SPNS2: variants seen among roughly 807,000 people sequenced by gnomAD.
SPNS2 encodes SPNS lysolipid transporter 2, sphingosine-1-phosphate, also known as sphingosine-1-phosphate transporter SPNS2.
SPNS2 carries 37 observed loss-of-function variants against 57.6 expected under a neutral mutation model. That is an observed-to-expected ratio of 0.64 (90% CI 0.49 to 0.85). The LOEUF is 0.85. Ranked by LOEUF, SPNS2 falls within the 40% of genes least tolerant of loss-of-function variation. The probability of loss-of-function intolerance (pLI) is 0.00; values close to 1 mark genes in which losing one functional copy is unlikely to be tolerated. For synonymous variants in SPNS2, 440 were observed against 346.9 expected (o/e 1.27, Z -2.98); for missense variants, 831 against 779.1 (o/e 1.07, Z -0.79).
intron 9 of SPNS2, among the ~76,000 whole-genome samples, chr17:4,535,384 G>T (rs552988662): frequency 1.3e-5 from 2 of 152,216 alleles, no homozygotes; most frequent in Non-Finnish European, 2.9e-5. Context: ...GGTCCTCAGG[G>T]AGGGGAACCA....
intron 2 of SPNS2, among the ~76,000 whole-genome samples, chr17:4,514,425 G>T (rs1302527862): frequency 1.3e-5 from 2 of 152,146 alleles, no homozygotes; most frequent in Non-Finnish European, 2.9e-5. Flanking sequence ...TGTCTAAGTG[G>T]CATTCCAGTA....
chr17:4,533,535 C>G (rs553360043), intron 8 of SPNS2, 103 bp downstream of exon 8: 7 of 1,270,940 alleles, frequency 5.5e-6, no homozygotes, highest in Middle Eastern at 2.1e-4. Context: ...TCCCTTCCCT[C>G]GGGGAGGCTC....
At chr17:4,502,641 CCCTCCCG>C (rs1298415408) in intron 1 of SPNS2, among the ~76,000 whole-genome samples, 2 of 152,142 alleles carry the variant, frequency 1.3e-5, no homozygotes, top group Non-Finnish European at 2.9e-5. Context: ...GTGATCATTC[CCCTCCCG>C]CCTGCCTCCC....
At chr17:4,503,694 C>T (rs1357775464) in intron 1 of SPNS2, among the ~76,000 whole-genome samples, 1 of 152,236 alleles carries the variant, frequency 6.6e-6, no homozygotes, top group Non-Finnish European at 1.5e-5. Flanking sequence ...TTCTCAAGAC[C>T]TATTTTCTTT....
At position 4,536,269 on chromosome 17, in the gene SPNS2, G is replaced by C. The variant is rs1187969039; in HGVS notation, c.1450G>C (p.Asp484His). The C allele has an allele frequency of 1.2e-6, 2 of 1,612,306 alleles. No individual in the cohort carries two copies. Among genetic ancestry groups the C allele is most frequent in the East Asian group, 2.2e-5 (1 of 44,880 alleles). ...GSPYLIGFIS[D>H]LIRQSTKDSP... The stretch of plus-strand genomic sequence containing the variant: ...CACCCCCAAATCCTCGCAGATCTCA[G>C]ACCTGATCCGCCAGAGCACTAAGGA... The change falls in exon 11 of 13, where the codon GAC (aspartate) becomes CAC (histidine). Residue 484 changes from aspartate to histidine, a missense_variant. By Grantham distance (81) the Asp-to-His change is moderately conservative (BLOSUM62 -1). Around this residue, in one of 2 missense-constraint regions of SPNS2, gnomAD observed 526 missense variants for 400.9 expected, o/e 1.31. Transcript: ENST00000329078.
At chr17:4,523,774 C>T (rs900224178) in intron 2 of SPNS2, among the ~76,000 whole-genome samples, 4 of 152,206 alleles carry the variant, frequency 2.6e-5, no homozygotes, top group African/African-American at 9.7e-5. Context: ...TCCACTTGCT[C>T]TCACACACAC....
In SPNS2 at chr17:4,536,236, C is replaced by T. The variant is rs373181195; in HGVS notation, c.1444-27C>T. On this transcript the variant is annotated intron_variant, in intron 10 of 12. Transcript: ENST00000329078. ...TGGGGGACTGCAGGAGGGCTCTGCCCTGACATCCACCCCCAAATCCTCGCA... is the reference window on the plus strand; with the variant it reads ...TGGGGGACTGCAGGAGGGCTCTGCCTTGACATCCACCCCCAAATCCTCGCA... 20 of 1,609,842 alleles carry T rather than the reference C, an allele frequency of 1.2e-5. No homozygotes were observed. The African/African-American group carries it at 2.1e-4, about 17-fold the overall frequency.
chr17:4,499,777 C>T lies in SPNS2; in HGVS notation c.370+360C>T, dbSNP rs749677998. 3.7e-5 allele frequency: 7 copies of T among 187,822 alleles called. No homozygotes were observed. Among genetic ancestry groups the T allele is most frequent in the Non-Finnish European group, 7.6e-5 (7 of 91,550 alleles). The allele number at this position is 187,822 out of a possible 1,614,324, so 11.6% of individuals were successfully genotyped here. On this transcript the variant is annotated intron_variant, in intron 1 of 12. Coordinates refer to ENST00000329078, the MANE Select transcript of SPNS2 (RefSeq NM_001124758.3). This position sits in a 1 kb window ranked among gnomAD's most constrained non-coding sequence, Gnocchi z 5.2. ...CTGCGCCCCCTCCGACCCCAGCTGCCGGTTCCCGGGCCTCCTTCCCTTCCC... is the reference window on the plus strand; with the variant it reads ...CTGCGCCCCCTCCGACCCCAGCTGCTGGTTCCCGGGCCTCCTTCCCTTCCC...
At chr17:4,515,544 C>T (rs975774526) in intron 2 of SPNS2, among the ~76,000 whole-genome samples, 4 of 152,198 alleles carry the variant, frequency 2.6e-5, no homozygotes, top group African/African-American at 9.6e-5. Context: ...CTGTCACCTA[C>T]CCCGGCACAG....
rs1347883016 is a variant in SPNS2 at position 4,536,334 on chromosome 17, C to T, written c.1515C>T (p.Leu505=). The change falls in exon 11 of 13, where the codon CTC becomes CTT. Residue 505 remains leucine, a synonymous_variant. Transcript: ENST00000329078. ...LWEFLSLGYA[L]MLCPFVVVLG... is the part of the protein sequence containing the mutation. ...AGTTCCTGAGCCTGGGCTACGCGCT[C>T]ATGCTCTGCCCTTTCGTCGTGGTCC... is the stretch of plus-strand genomic sequence containing the variant. 1.9e-6 allele frequency: 3 copies of T among 1,611,864 alleles called. No homozygotes were observed. The highest frequency in any genetic ancestry group is 1.1e-5 in the South Asian group (1 of 91,094).
chr17:4,504,606 A>G (rs1904624405), intron 1 of SPNS2, among the ~76,000 whole-genome samples: 2 of 152,230 alleles, frequency 1.3e-5, no homozygotes, highest in Non-Finnish European at 2.9e-5. Flanking sequence ...TCCCTTCCCC[A>G]GAACCTTCTG....
At position 4,523,192 on chromosome 17, in the gene SPNS2, C is replaced by A. The variant is rs145070827; in HGVS notation, c.437-1865C>A. Reference sequence around the variant, plus strand: ...AGTGGCTCACGCCTGTAATCCCACACTTTGGGAGGCCGCGGCAGGTAGATC... The same window carrying A: ...AGTGGCTCACGCCTGTAATCCCACAATTTGGGAGGCCGCGGCAGGTAGATC... On this transcript the variant is annotated intron_variant, in intron 2 of 12. Transcript: ENST00000329078. 2.3e-3 allele frequency among the ~76,000 whole-genome samples: 345 copies of A among 152,304 alleles called. 1 individual carries two copies. The highest frequency in any genetic ancestry group is 7.8e-3 in the African/African-American group (324 of 41,548).
chr17:4,534,646 C>G (rs1465271384), intron 9 of SPNS2, among the ~76,000 whole-genome samples: 2 of 152,114 alleles, frequency 1.3e-5, no homozygotes, highest in Non-Finnish European at 2.9e-5. Flanking sequence ...GCCTGCCTTA[C>G]CCCACCCTGA....
intron 1 of SPNS2, among the ~76,000 whole-genome samples, chr17:4,505,095 G>A (rs577631951): frequency 5.3e-5 from 8 of 152,312 alleles, no homozygotes; most frequent in African/African-American, 1.9e-4. Context: ...GTTGAACCAA[G>A]TGCCTAACTC....
chr17:4,502,057 A>C (rs1904527345), intron 1 of SPNS2, among the ~76,000 whole-genome samples: 1 of 152,172 alleles, frequency 6.6e-6, no homozygotes, highest in Non-Finnish European at 1.5e-5. Flanking sequence ...AATATATCCA[A>C]CATATTTCAA....
At chr17:4,536,836 G>C (rs1008000666) in intron 11 of SPNS2, 64 bp from the exon 12 acceptor site, 1 of 1,376,218 alleles carries the variant, frequency 7.3e-7, no homozygotes, top group East Asian at 2.3e-5. Flanking sequence ...CGATGTGCCA[G>C]AGCAGTGCCC....
intron 10 of SPNS2, 34 bp downstream of exon 10, chr17:4,536,208 G>A: frequency 2.5e-6 from 4 of 1,607,962 alleles, no homozygotes; most frequent in Non-Finnish European, 3.4e-6. Flanking sequence ...GGCCAGGGCA[G>A]GCTGGGGGAC....
At chr17:4,536,637 C>T (rs1192199823) in intron 11 of SPNS2, 5 of 697,286 alleles carry the variant, frequency 7.2e-6, no homozygotes, top group Non-Finnish European at 1.2e-5. Context: ...TGGATCCAGA[C>T]TTGGGTTTGT....
chr17:4,521,961 G>A (rs1905150090), intron 2 of SPNS2, among the ~76,000 whole-genome samples: 1 of 152,238 alleles, frequency 6.6e-6, no homozygotes, highest in South Asian at 2.1e-4. Flanking sequence ...CACTTTGGGA[G>A]GCCGAGGCAG....
Sources: allele counts gnomAD v4.1 joint callset (sites outside exome capture counted in the v4.1 genomes callset), GRCh38; gene constraint gnomAD v4.1.1; regional missense constraint gnomAD v4.1.1; non-coding constraint Gnocchi (gnomAD v3.1); transcripts MANE v1.5; gene names NCBI Gene and HGNC (gene_info 2026-07-23, HGNC 2026-07-21).